FAM168A: variants seen among roughly 807,000 people sequenced by gnomAD.
FAM168A encodes family with sequence similarity 168 member A.
In FAM168A, 3 loss-of-function variants were observed where a neutral mutation model predicts 28.5. That is an observed-to-expected ratio of 0.11 (90% CI 0.05 to 0.27). The LOEUF is 0.27. Among genes scored for constraint, FAM168A ranks in the 10% least tolerant of loss-of-function variants. The pLI, the probability that FAM168A is intolerant of heterozygous loss-of-function variation, is 1.00. For missense variants in FAM168A, 222 were observed against 311.5 expected, an observed-to-expected ratio of 0.71 and a Z score of 2.16; for synonymous variants, 122 against 124.2, an observed-to-expected ratio of 0.98 and a Z score of 0.12.
At position 73,500,256 on chromosome 11, in the gene FAM168A, C is replaced by CTTT. The variant is rs57040993; in HGVS notation, c.-18-31767_-18-31765dup. ...GACAAGAGTTTACAACCCAGAATTC[C>CTTT]TTTTTTTTTTTTTTTTTTTTGAGAC... is the stretch of plus-strand genomic sequence containing the variant. On this transcript the variant is annotated intron_variant, in intron 1 of 7. Transcript: ENST00000356467. Among the ~76,000 whole-genome samples the CTTT allele has an allele frequency of 7.4e-3, 903 of 122,596 alleles. 12 individuals carry two copies. Among genetic ancestry groups the CTTT allele is most frequent in the Non-Finnish European group, 0.012 (729 of 59,340 alleles). The allele number at this position is 122,596 out of a possible 152,430, so 80.4% of individuals were successfully genotyped here.
At chr11:73,491,070 T>C (rs1158362323) in intron 1 of FAM168A, among the ~76,000 whole-genome samples, 1 of 152,214 alleles carries the variant, frequency 6.6e-6, no homozygotes, top group East Asian at 1.9e-4. Context: ...CTAATTTCAG[T>C]TGGCCTCACT....
chr11:73,512,054 CAA>C (rs1176555696), intron 1 of FAM168A, among the ~76,000 whole-genome samples: 1 of 152,180 alleles, frequency 6.6e-6, no homozygotes, highest in Non-Finnish European at 1.5e-5. Flanking sequence ...TCCCCTAAAA[CAA>C]TACCTGGCAC....
intron 7 of FAM168A, 130 bp downstream of exon 7, chr11:73,407,383 G>A (rs1866525255): frequency 9.1e-6 from 5 of 549,074 alleles, no homozygotes; most frequent in Non-Finnish European, 1.6e-5. Context: ...CTTGGAGCAG[G>A]AAAGCAACTG....
intron 3 of FAM168A, among the ~76,000 whole-genome samples, chr11:73,427,068 T>C (rs1242166114): frequency 1.3e-5 from 2 of 152,150 alleles, no homozygotes; most frequent in African/African-American, 4.8e-5. Flanking sequence ...CTTGGCTCAC[T>C]GCAACCTCCG....
At position 73,433,076 on chromosome 11, in the gene FAM168A, C is replaced by CTTT. The variant is rs34994742; in HGVS notation, c.71-2309_71-2307dup. On this transcript the variant is annotated intron_variant, in intron 2 of 7. Coordinates refer to ENST00000356467, the MANE Select transcript of FAM168A (RefSeq NM_015159.3). ...ACAGGTGCGTGCCACCACGCCCCGC[C>CTTT]TTTTTTTTTTTTTTTTTTTTTTTTT... 4.9e-3 allele frequency among the ~76,000 whole-genome samples: 391 copies of CTTT among 80,608 alleles called. 37 individuals are homozygous for CTTT. Among genetic ancestry groups the CTTT allele is most frequent in the African/African-American group, 0.021 (313 of 14,704 alleles). 52.9% of individuals were successfully genotyped at this position (80,608 alleles called of 152,430 possible). A position where few individuals can be genotyped will look rare whatever the true frequency, so the allele number is the denominator to read the frequency against.
chr11:73,517,853 A>T (rs1445890939), intron 1 of FAM168A, among the ~76,000 whole-genome samples: 1 of 152,224 alleles, frequency 6.6e-6, no homozygotes, highest in East Asian at 1.9e-4. Flanking sequence ...CAGAAGCAGA[A>T]GATTTGAAAC....
At chr11:73,503,711 A>T (rs1855054437) in intron 1 of FAM168A, among the ~76,000 whole-genome samples, 1 of 152,238 alleles carries the variant, frequency 6.6e-6, no homozygotes, top group African/African-American at 2.4e-5. Context: ...AAGCAAAAAG[A>T]ACAAAGCTGG....
intron 1 of FAM168A, among the ~76,000 whole-genome samples, chr11:73,542,496 T>C (rs1230226237): frequency 6.6e-6 from 1 of 152,228 alleles, no homozygotes; most frequent in East Asian, 1.9e-4. Context: ...TCTAACCATT[T>C]CTTGCCATTA....
At chr11:73,563,397 ACTAT>A (rs1409449251) in intron 1 of FAM168A, among the ~76,000 whole-genome samples, 1 of 152,184 alleles carries the variant, frequency 6.6e-6, no homozygotes, top group Non-Finnish European at 1.5e-5. Flanking sequence ...ATGCCTACAC[ACTAT>A]CTGGCCCAAT....
chr11:73,583,945 AC>A (rs1224047606), intron 1 of FAM168A, among the ~76,000 whole-genome samples: 1 of 152,220 alleles, frequency 6.6e-6, no homozygotes, highest in Admixed American at 6.5e-5. Context: ...CAGTGTCCCT[AC>A]AATGACACTT....
intron 1 of FAM168A, among the ~76,000 whole-genome samples, chr11:73,562,140 A>G (rs1412206063): frequency 6.6e-6 from 1 of 152,128 alleles, no homozygotes; most frequent in Non-Finnish European, 1.5e-5. Flanking sequence ...ATAGGGTTTC[A>G]CCATGTTGGT....
intron 1 of FAM168A, among the ~76,000 whole-genome samples, chr11:73,512,609 A>G (rs766885257): frequency 1.2e-4 from 18 of 152,042 alleles, no homozygotes; most frequent in Non-Finnish European, 2.4e-4. Context: ...TAAAAAAGAA[A>G]AAAAAAACCA....
intron 4 of FAM168A, among the ~76,000 whole-genome samples, chr11:73,419,355 C>T (rs7932197): frequency 0.062 from 9,457 of 152,236 alleles, 871 homozygotes; most frequent in African/African-American, 0.2. Context: ...ATAAGGGACA[C>T]TTAGCAATGT....
chr11:73,571,243 C>CT lies in FAM168A; in HGVS notation c.-19+26679_-19+26680insA, dbSNP rs1555038725. Among the ~76,000 whole-genome samples the CT allele has an allele frequency of 1.6e-3, 177 of 112,710 alleles. 2 individuals carry two copies. Among genetic ancestry groups the CT allele is most frequent in the African/African-American group, 6.8e-3 (170 of 25,184 alleles). The allele number at this position is 112,710 out of a possible 152,430, so 73.9% of individuals were successfully genotyped here. A position where few individuals can be genotyped will look rare whatever the true frequency, so the allele number is the denominator to read the frequency against. Reference sequence around the variant, plus strand: ...CCTCTCCCCCTCCCCCTCCCCCCCCCCTCCCCACAGTCTCCCTCTCCCTCT... The same window carrying CT: ...CCTCTCCCCCTCCCCCTCCCCCCCCCTCTCCCCACAGTCTCCCTCTCCCTCT... On this transcript the variant is annotated intron_variant, in intron 1 of 7. Transcript: ENST00000356467.
At chr11:73,514,662 GT>G (rs2134642134) in intron 1 of FAM168A, among the ~76,000 whole-genome samples, 1 of 152,188 alleles carries the variant, frequency 6.6e-6, no homozygotes, top group South Asian at 2.1e-4. Context: ...CAAGACCCCT[GT>G]CTATACAAAA....
intron 1 of FAM168A, chr11:73,580,317 A>C (rs560175333): frequency 1.7e-6 from 1 of 572,646 alleles, no homozygotes; most frequent in East Asian, 4.6e-5. Context: ...TGAACCACAG[A>C]GAAGATCCAC....
intron 3 of FAM168A, among the ~76,000 whole-genome samples, chr11:73,428,113 C>A (rs1422125616): frequency 6.6e-6 from 1 of 152,098 alleles, no homozygotes; most frequent in African/African-American, 2.4e-5. Context: ...TGCCCTCCTG[C>A]GTGAGGCACC....
At chr11:73,540,984 C>T (rs1943646782) in intron 1 of FAM168A, among the ~76,000 whole-genome samples, 1 of 152,066 alleles carries the variant, frequency 6.6e-6, no homozygotes, top group Non-Finnish European at 1.5e-5. Flanking sequence ...GCAGGAGAAT[C>T]ACCTGAGGCC....
intron 1 of FAM168A, among the ~76,000 whole-genome samples, chr11:73,500,737 C>G (rs577395432): frequency 1.4e-4 from 22 of 152,186 alleles, no homozygotes; most frequent in African/African-American, 5.3e-4. Flanking sequence ...TAAAAACACA[C>G]CAAAATATAA....
Sources: allele counts gnomAD v4.1 joint callset (sites outside exome capture counted in the v4.1 genomes callset), GRCh38; gene constraint gnomAD v4.1.1; transcripts MANE v1.5; gene names NCBI Gene and HGNC (gene_info 2026-07-23, HGNC 2026-07-21).